LSAMP: variants seen among roughly 807,000 people sequenced by gnomAD.
The protein encoded by LSAMP is limbic system-associated membrane protein.
Under a neutral mutation model 38.6 loss-of-function variants are expected in LSAMP, and 7 were observed. The observed-to-expected ratio is 0.18, with a 90% CI of 0.10 to 0.34. The LOEUF (loss-of-function observed/expected upper bound fraction) is 0.34. LSAMP is among the 10% of genes least tolerant of loss of function. The pLI is 1.00. For synonymous variants in LSAMP, 154 were observed against 166.8 expected (o/e 0.92, Z 0.59); for missense variants, 313 against 420.0 (o/e 0.75, Z 2.23).
At chr3:116,096,394 T>C (rs527407040) in intron 1 of LSAMP, among the ~76,000 whole-genome samples, 1 of 152,358 alleles carries the variant, frequency 6.6e-6, no homozygotes, top group South Asian at 2.1e-4. Flanking sequence ...TGCTTATTAA[T>C]AGGCATTTTC....
intron 1 of LSAMP, among the ~76,000 whole-genome samples, chr3:116,351,041 C>T (rs185195972): frequency 6.6e-6 from 1 of 151,846 alleles, no homozygotes; most frequent in East Asian, 1.9e-4. Flanking sequence ...AGGGGATTTG[C>T]CTTTATAACA....
chr3:116,274,989 T>C (rs1178905729), intron 1 of LSAMP, among the ~76,000 whole-genome samples: 2 of 151,026 alleles, frequency 1.3e-5, no homozygotes, highest in Non-Finnish European at 2.9e-5. Context: ...AGAGCAACTT[T>C]TATTTTTGTG....
chr3:116,161,205 C>A (rs1479335586), intron 1 of LSAMP, among the ~76,000 whole-genome samples: 1 of 152,026 alleles, frequency 6.6e-6, no homozygotes, highest in Non-Finnish European at 1.5e-5. Flanking sequence ...TTGCATTGTA[C>A]CCACCACAGT....
intron 1 of LSAMP, among the ~76,000 whole-genome samples, chr3:116,420,854 G>C (rs1464991734): frequency 6.6e-6 from 1 of 152,196 alleles, no homozygotes; most frequent in African/African-American, 2.4e-5. Context: ...TCTAGCATGG[G>C]TGACAGAGAG....
chr3:115,981,034 G>T (rs1472312766), intron 3 of LSAMP, among the ~76,000 whole-genome samples: 2 of 152,110 alleles, frequency 1.3e-5, no homozygotes, highest in Non-Finnish European at 2.9e-5. Context: ...CAATGCCAGT[G>T]TCCCAGACTG....
chr3:116,127,899 A>G lies in LSAMP; in HGVS notation c.156-41343T>C, dbSNP rs563930337. Among the ~76,000 whole-genome samples the G allele has an allele frequency of 4.9e-4, 74 of 152,220 alleles. 1 individual carries two copies. The highest frequency in any genetic ancestry group is 2.6e-3 in the Admixed American group (40 of 15,282). ...CTATTTTTAAAGATTAACTTAATATATCACACTGCTTAGCATTTCTAGTAG... is the reference window on the plus strand; with the variant it reads ...CTATTTTTAAAGATTAACTTAATATGTCACACTGCTTAGCATTTCTAGTAG... On this transcript the variant is annotated intron_variant, in intron 1 of 6. Coordinates refer to ENST00000490035, the MANE Select transcript of LSAMP (RefSeq NM_002338.5).
intron 1 of LSAMP, among the ~76,000 whole-genome samples, chr3:116,316,668 G>A (rs959080971): frequency 2.0e-5 from 3 of 151,578 alleles, no homozygotes; most frequent in Non-Finnish European, 2.9e-5. Flanking sequence ...CTACTCAGGA[G>A]GCTGAAGCAG....
intron 1 of LSAMP, among the ~76,000 whole-genome samples, chr3:116,400,537 G>A (rs1008314770): frequency 2.7e-5 from 4 of 149,454 alleles, no homozygotes; most frequent in Non-Finnish European, 5.9e-5. Context: ...GGAGTACAAT[G>A]GCACAATCTT....
chr3:116,290,776 A>AATAAT (rs2047257013), intron 1 of LSAMP, among the ~76,000 whole-genome samples: 1 of 131,196 alleles, frequency 7.6e-6, no homozygotes, highest in Non-Finnish European at 1.7e-5. Context: ...ATAATAATAA[A>AATAAT]ATAAACTTTC....
chr3:115,813,299 C>T (rs530813095), intron 6 of LSAMP, among the ~76,000 whole-genome samples: 1 of 152,032 alleles, frequency 6.6e-6, no homozygotes, highest in South Asian at 2.1e-4. Context: ...AGTTTATATA[C>T]ACAAATACTT....
intron 6 of LSAMP, among the ~76,000 whole-genome samples, chr3:115,839,769 C>G (rs1299086787): frequency 6.6e-6 from 1 of 152,216 alleles, no homozygotes; most frequent in East Asian, 1.9e-4. Flanking sequence ...TCATTAATCA[C>G]TGCACCACAC....
At chr3:116,073,440 C>T (rs1418980725) in intron 2 of LSAMP, among the ~76,000 whole-genome samples, 1 of 152,080 alleles carries the variant, frequency 6.6e-6, no homozygotes, top group Admixed American at 6.5e-5. Flanking sequence ...TAGTTTTTTT[C>T]TAATTCTGTG....
intron 1 of LSAMP, among the ~76,000 whole-genome samples, chr3:116,117,029 T>A (rs2107481062): frequency 6.6e-6 from 1 of 152,326 alleles, no homozygotes; most frequent in Non-Finnish European, 1.5e-5. Flanking sequence ...AATTTCTGAA[T>A]CTTGAGATAT....
At chr3:116,200,682 T>A (rs2045976966) in intron 1 of LSAMP, among the ~76,000 whole-genome samples, 1 of 152,188 alleles carries the variant, frequency 6.6e-6, no homozygotes, top group Non-Finnish European at 1.5e-5. Context: ...CTTCAACAGG[T>A]TAAAGCTACA....
chr3:116,010,764 T>A (rs1559919055), intron 3 of LSAMP, among the ~76,000 whole-genome samples: 1 of 152,240 alleles, frequency 6.6e-6, no homozygotes, highest in Non-Finnish European at 1.5e-5. Flanking sequence ...TTACTGAAAC[T>A]ATTAGTTGGA....
chr3:116,091,413 A>G lies in LSAMP; in HGVS notation c.156-4857T>C, dbSNP rs1032893651. 6.6e-5 allele frequency among the ~76,000 whole-genome samples: 10 copies of G among 152,178 alleles called. No individual in the cohort carries two copies. In the East Asian group the frequency reaches 1.2e-3, roughly 18 times the overall value. On this transcript the variant is annotated intron_variant, in intron 1 of 6. Coordinates refer to ENST00000490035, the MANE Select transcript of LSAMP (RefSeq NM_002338.5). ...TACATCCTTCTCGGCTGACAGGACT[A>G]AGAGACTAAAGTAAAGACAGGCATA...
At chr3:115,993,709 A>AT (rs1401761917) in intron 3 of LSAMP, among the ~76,000 whole-genome samples, 1 of 152,046 alleles carries the variant, frequency 6.6e-6, no homozygotes, top group East Asian at 1.9e-4. Context: ...TTTAAAAAAA[A>AT]TTTTTTTAAG....
intron 1 of LSAMP, among the ~76,000 whole-genome samples, chr3:116,427,109 CTTTTTT>C (rs758726064): frequency 3.1e-5 from 3 of 95,394 alleles, no homozygotes; most frequent in Non-Finnish European, 4.2e-5. Context: ...CTCTTTCTTT[CTTTTTT>C]TTTTTTTTTT....
chr3:116,091,257 T>A (rs1708117176), intron 1 of LSAMP, among the ~76,000 whole-genome samples: 1 of 152,242 alleles, frequency 6.6e-6, no homozygotes, highest in Non-Finnish European at 1.5e-5. Flanking sequence ...TTTAAGGTTA[T>A]CTCTCATATT....
Sources: gnomAD v4.1 joint callset for allele counts (sites outside exome capture counted in the v4.1 genomes callset) on GRCh38, gnomAD v4.1.1 for gene constraint, MANE v1.5 for transcripts, NCBI Gene and HGNC (gene_info 2026-07-23, HGNC 2026-07-21) for gene names.